Variants in SCFD2 observed in about 807,000 individuals in gnomAD.
SCFD2 encodes the protein sec1 family domain containing 2, also known as sec1 family domain-containing protein 2.
In SCFD2, 54 loss-of-function variants were observed where a neutral mutation model predicts 58.9. That is an observed-to-expected ratio of 0.92 (90% CI 0.74 to 1.15). SCFD2 has a LOEUF of 1.15. SCFD2 is among the 50% of genes most tolerant of loss of function. The pLI is 0.00. For missense variants in SCFD2, 805 were observed against 836.6 expected, an observed-to-expected ratio of 0.96 and a Z score of 0.47; for synonymous variants, 321 against 335.9, an observed-to-expected ratio of 0.96 and a Z score of 0.49.
Position 53,205,622 on chromosome 4 carries a change from G to A in SCFD2, c.1312-60040C>T, listed in dbSNP as rs887830376. Among the ~76,000 whole-genome samples, 4 of 152,002 alleles carry A rather than the reference G, an allele frequency of 2.6e-5. 1 individual carries two copies. The highest frequency in any genetic ancestry group is 7.3e-5 in the African/African-American group (3 of 41,348). Reference sequence around the variant, plus strand: ...TTAAAAGATGGGCAACACTTTGGGAGGCCGAGGTGGGCGGATCACGAGGTC... The same window carrying A: ...TTAAAAGATGGGCAACACTTTGGGAAGCCGAGGTGGGCGGATCACGAGGTC... On this transcript the variant is annotated intron_variant, in intron 4 of 8. Coordinates refer to ENST00000401642, the MANE Select transcript of SCFD2 (RefSeq NM_152540.4).
chr4:53,303,664 G>T (rs1732412381), intron 3 of SCFD2, among the ~76,000 whole-genome samples: 1 of 152,072 alleles, frequency 6.6e-6, no homozygotes, highest in African/African-American at 2.4e-5. Context: ...TATGTTTATT[G>T]TGGCATTATT....
At chr4:53,321,168 T>C (rs919025157) in intron 2 of SCFD2, among the ~76,000 whole-genome samples, 1 of 151,970 alleles carries the variant, frequency 6.6e-6, no homozygotes, top group Non-Finnish European at 1.5e-5. Flanking sequence ...CTCTTTAAGG[T>C]CTTTCAAGAA....
intron 3 of SCFD2, among the ~76,000 whole-genome samples, chr4:53,298,937 C>T (rs1311699083): frequency 6.6e-6 from 1 of 152,118 alleles, no homozygotes; most frequent in African/African-American, 2.4e-5. Context: ...CACCAAAAAC[C>T]CATCTGTACG....
chr4:53,358,275 T>A (rs1734455114), intron 1 of SCFD2, among the ~76,000 whole-genome samples: 1 of 152,164 alleles, frequency 6.6e-6, no homozygotes, highest in Non-Finnish European at 1.5e-5. Flanking sequence ...CTGCCTGTAA[T>A]GCCAAAACTT....
chr4:53,355,730 T>C (rs142220972), intron 1 of SCFD2, among the ~76,000 whole-genome samples: 4 of 152,328 alleles, frequency 2.6e-5, no homozygotes, highest in Non-Finnish European at 5.9e-5. Context: ...CCTATCGGTG[T>C]TCCCTCTTGC....
At chr4:53,325,725 G>C (rs1362907789) in intron 2 of SCFD2, among the ~76,000 whole-genome samples, 1 of 152,172 alleles carries the variant, frequency 6.6e-6, no homozygotes, top group Non-Finnish European at 1.5e-5. Flanking sequence ...AGCATATATG[G>C]TAGGCATTAT....
intron 4 of SCFD2, among the ~76,000 whole-genome samples, chr4:53,193,603 C>T (rs1400543912): frequency 6.6e-6 from 1 of 152,132 alleles, no homozygotes; most frequent in Non-Finnish European, 1.5e-5. Flanking sequence ...GAAACCTTCA[C>T]CTTACCAACA....
chr4:53,257,089 C>A (rs1336770626), intron 4 of SCFD2, among the ~76,000 whole-genome samples: 2 of 145,800 alleles, frequency 1.4e-5, no homozygotes, highest in South Asian at 2.3e-4. Flanking sequence ...TACACATGCG[C>A]CCCTGAACCT....
At chr4:52,914,260 T>C (rs1471759262) in intron 6 of SCFD2, among the ~76,000 whole-genome samples, 1 of 152,220 alleles carries the variant, frequency 6.6e-6, no homozygotes, top group Non-Finnish European at 1.5e-5. Context: ...AAGCCAGAGC[T>C]TTGGGCTTCT....
At position 53,245,276 on chromosome 4, in the gene SCFD2, T is replaced by G. The variant is rs116164286; in HGVS notation, c.1311+28550A>C. Reference sequence around the variant, plus strand: ...GTCCATGAGGCCCGAATTATCCTGATAGAAAAACCTGGTGGAGACATCAAA... The same window carrying G: ...GTCCATGAGGCCCGAATTATCCTGAGAGAAAAACCTGGTGGAGACATCAAA... On this transcript the variant is annotated intron_variant, in intron 4 of 8. Coordinates refer to ENST00000401642, the MANE Select transcript of SCFD2 (RefSeq NM_152540.4). Among the ~76,000 whole-genome samples, 988 of 152,016 alleles carry G rather than the reference T, an allele frequency of 6.5e-3. 4 individuals carry two copies. Among genetic ancestry groups the G allele is most frequent in the Middle Eastern group, 0.031 (9 of 294 alleles).
Position 53,255,099 on chromosome 4 carries a change from C to T in SCFD2, c.1311+18727G>A, listed in dbSNP as rs184970849. On this transcript the variant is annotated intron_variant, in intron 4 of 8. Transcript: ENST00000401642. ...TGTTATCCAGGTTGGTCTCAATCTC[C>T]TGATCTCGTGATCTGCCCGCCTTGG... Among the ~76,000 whole-genome samples, 689 of 151,176 alleles carry T rather than the reference C, an allele frequency of 4.6e-3. 4 individuals are homozygous for T. Among genetic ancestry groups the T allele is most frequent in the Middle Eastern group, 0.041 (12 of 292 alleles).
At chr4:53,139,598 C>T (rs1478315567) in intron 5 of SCFD2, among the ~76,000 whole-genome samples, 1 of 151,120 alleles carries the variant, frequency 6.6e-6, no homozygotes, top group Non-Finnish European at 1.5e-5. Flanking sequence ...GGGGGGCAGC[C>T]CCCGCCCGGC....
intron 5 of SCFD2, among the ~76,000 whole-genome samples, chr4:52,985,374 G>A (rs926667336): frequency 2.0e-5 from 3 of 152,144 alleles, no homozygotes; most frequent in African/African-American, 7.2e-5. Flanking sequence ...TTGGCACCAT[G>A]CTTAGCTCCT....
intron 5 of SCFD2, among the ~76,000 whole-genome samples, chr4:53,138,687 ATAAAAG>A (rs535286841): frequency 5.4e-4 from 82 of 152,322 alleles, no homozygotes; most frequent in African/African-American, 1.9e-3. Context: ...AGTGAACAGA[ATAAAAG>A]TAAAAGAGTA....
chr4:52,937,189 G>A (rs183121200), intron 5 of SCFD2, among the ~76,000 whole-genome samples: 1 of 152,312 alleles, frequency 6.6e-6, no homozygotes, highest in Non-Finnish European at 1.5e-5. Flanking sequence ...AAAACTTTCT[G>A]GACAGAAGGG....
intron 4 of SCFD2, among the ~76,000 whole-genome samples, chr4:53,149,307 C>A (rs1726434580): frequency 6.6e-6 from 1 of 152,120 alleles, no homozygotes; most frequent in African/African-American, 2.4e-5. Context: ...TGCTAACAAA[C>A]CAAAATGATA....
chr4:53,056,438 T>C (rs1560316441), intron 5 of SCFD2, among the ~76,000 whole-genome samples: 3 of 152,114 alleles, frequency 2.0e-5, no homozygotes, highest in Non-Finnish European at 1.5e-5. Flanking sequence ...GCCTCTCAAA[T>C]AAAGGACCAC....
chr4:52,913,147 G>A (rs1280913076), intron 6 of SCFD2, among the ~76,000 whole-genome samples: 1 of 152,100 alleles, frequency 6.6e-6, no homozygotes, highest in Non-Finnish European at 1.5e-5. Context: ...GGCAATAGGA[G>A]ATCTGTGCCC....
chr4:53,271,861 A>C (rs1197966692), intron 4 of SCFD2, among the ~76,000 whole-genome samples: 1 of 152,200 alleles, frequency 6.6e-6, no homozygotes, highest in East Asian at 1.9e-4. Context: ...ATGGGATCTC[A>C]TTAAACTAAA....
Sources: gnomAD v4.1 joint callset for allele counts (sites outside exome capture counted in the v4.1 genomes callset) on GRCh38, gnomAD v4.1.1 for gene constraint, MANE v1.5 for transcripts, NCBI Gene and HGNC (gene_info 2026-07-23, HGNC 2026-07-21) for gene names.